NEGR1: variants seen among roughly 807,000 people sequenced by gnomAD.
NEGR1 encodes IgLON family member 4.
A neutral mutation model predicts 40.9 loss-of-function variants in NEGR1; 10 were observed. That is an observed-to-expected ratio of 0.24 (90% CI 0.15 to 0.42). NEGR1 has a LOEUF of 0.42. NEGR1 is among the 10% of genes least tolerant of loss of function. NEGR1 has a pLI of 1.00. For missense variants in NEGR1, 352 were observed against 438.9 expected (o/e 0.80, Z 1.77); for synonymous variants, 185 against 166.8 (o/e 1.11, Z -0.84).
At chr1:72,270,218 A>C (rs776150170) in intron 1 of NEGR1, among the ~76,000 whole-genome samples, 75 of 151,978 alleles carry the variant, frequency 4.9e-4, no homozygotes, top group Non-Finnish European at 8.5e-4. Context: ...TGTATGTCAT[A>C]TATGGTAGAT....
chr1:72,070,718 C>T (rs1450668723), intron 1 of NEGR1, among the ~76,000 whole-genome samples: 1 of 151,900 alleles, frequency 6.6e-6, no homozygotes, highest in Admixed American at 6.6e-5. Flanking sequence ...AAATATATAA[C>T]ATGTCATATA....
At chr1:71,566,353 C>T (rs561868923) in intron 6 of NEGR1, among the ~76,000 whole-genome samples, 10 of 152,030 alleles carry the variant, frequency 6.6e-5, no homozygotes, top group African/African-American at 2.2e-4. Context: ...TTCCGTATTT[C>T]GTATATAAGT....
At chr1:72,122,357 A>G (rs890158305) in intron 1 of NEGR1, among the ~76,000 whole-genome samples, 1 of 151,968 alleles carries the variant, frequency 6.6e-6, no homozygotes, top group African/African-American at 2.4e-5. Flanking sequence ...CCCTATTTGT[A>G]AAGAAATGGC....
At chr1:72,014,315 G>A (rs1646689028) in intron 1 of NEGR1, among the ~76,000 whole-genome samples, 2 of 151,338 alleles carry the variant, frequency 1.3e-5, no homozygotes, top group South Asian at 4.2e-4. Flanking sequence ...GCTTACATAA[G>A]GAACTGCCTG....
intron 6 of NEGR1, among the ~76,000 whole-genome samples, chr1:71,482,744 G>A (rs1569928862): frequency 6.6e-6 from 1 of 151,918 alleles, no homozygotes; most frequent in East Asian, 1.9e-4. Context: ...AGTCACATAT[G>A]TACTTCCCTT....
chr1:71,944,064 A>G (rs540830700), intron 1 of NEGR1, among the ~76,000 whole-genome samples: 23 of 152,344 alleles, frequency 1.5e-4, no homozygotes, highest in Non-Finnish European at 3.2e-4. Context: ...TTTGAATTCA[A>G]CTAAATCAGC....
At chr1:71,550,455 T>C (rs1261232393) in intron 6 of NEGR1, among the ~76,000 whole-genome samples, 1 of 151,526 alleles carries the variant, frequency 6.6e-6, no homozygotes, top group East Asian at 2.0e-4. Context: ...TTGACTTCTT[T>C]GTTACTTACC....
Position 71,813,794 on chromosome 1 carries a change from AT to A in NEGR1, c.410-37498del, listed in dbSNP as rs570960962. On this transcript the variant is annotated intron_variant, in intron 2 of 6. Transcript: ENST00000357731. ...TTGCACATTAATTTTGTATCCTGAA[AT>A]TTGCTGAATTTGCTTATCAGCTTAA... Among the ~76,000 whole-genome samples, 29 of 152,054 alleles carry A rather than the reference AT, an allele frequency of 1.9e-4. No individual in the cohort carries two copies. In the East Asian group the frequency reaches 5.4e-3, roughly 28 times the overall value.
intron 6 of NEGR1, among the ~76,000 whole-genome samples, chr1:71,544,436 A>C (rs72940303): frequency 0.046 from 7,031 of 151,728 alleles, 552 homozygotes; most frequent in African/African-American, 0.16. Context: ...TACTTTATCT[A>C]ACAGTGTGAC....
At chr1:71,670,546 G>A (rs1652385057) in intron 4 of NEGR1, among the ~76,000 whole-genome samples, 1 of 151,584 alleles carries the variant, frequency 6.6e-6, no homozygotes, top group Admixed American at 6.6e-5. Context: ...ATTTTAATAA[G>A]TTGTAACAGT....
At chr1:71,758,613 T>C (rs1256427339) in intron 3 of NEGR1, among the ~76,000 whole-genome samples, 1 of 152,140 alleles carries the variant, frequency 6.6e-6, no homozygotes, top group African/African-American at 2.4e-5. Flanking sequence ...AAATGAGCTG[T>C]TGCACAATTA....
intron 6 of NEGR1, among the ~76,000 whole-genome samples, chr1:71,539,008 T>C (rs754710189): frequency 6.6e-5 from 10 of 151,712 alleles, no homozygotes; most frequent in Admixed American, 2.6e-4. Context: ...ATGGTTGTTG[T>C]TTAAAGGATG....
At chr1:72,007,586 A>G (rs916835685) in intron 1 of NEGR1, among the ~76,000 whole-genome samples, 1 of 152,166 alleles carries the variant, frequency 6.6e-6, no homozygotes, top group African/African-American at 2.4e-5. Flanking sequence ...ACATGTAAGC[A>G]ATCAAGTACT....
At chr1:71,789,897 T>G (rs1269201468) in intron 2 of NEGR1, among the ~76,000 whole-genome samples, 1 of 152,138 alleles carries the variant, frequency 6.6e-6, no homozygotes, top group African/African-American at 2.4e-5. Context: ...TCTTTTATTC[T>G]GTATTTTTGC....
At chr1:71,611,218 T>G in intron 4 of NEGR1, 72 bp from the exon 5 acceptor site, 1 of 1,369,638 alleles carries the variant, frequency 7.3e-7, no homozygotes, top group Non-Finnish European at 1.0e-6. Flanking sequence ...ATGACACACA[T>G]ATATTTTTAT....
At chr1:71,800,050 T>C (rs1219162076) in intron 2 of NEGR1, among the ~76,000 whole-genome samples, 3 of 152,172 alleles carry the variant, frequency 2.0e-5, no homozygotes, top group African/African-American at 7.2e-5. Context: ...GTAATTGGCA[T>C]GAGATGGTAC....
chr1:72,005,135 T>C lies in NEGR1; in HGVS notation c.177-69824A>G, dbSNP rs190851165. 7.5e-4 allele frequency among the ~76,000 whole-genome samples: 114 copies of C among 152,256 alleles called. No individual in the cohort carries two copies. The East Asian group carries it at 9.3e-3, about 12-fold the overall frequency. ...GCATAGAAACATGCATAAGTGAAGA[T>C]TGAAAGTTGAAAATAACATATTTGG... On this transcript the variant is annotated intron_variant, in intron 1 of 6. Transcript: ENST00000357731.
chr1:71,578,773 A>G (rs1195035862), intron 6 of NEGR1, among the ~76,000 whole-genome samples: 2 of 152,162 alleles, frequency 1.3e-5, no homozygotes, highest in Non-Finnish European at 2.9e-5. Context: ...AAGGTTAAAT[A>G]TTTCATTAAA....
At chr1:71,716,269 G>GGAGATTATTAAAATTCAAGGT (rs1383063907) in intron 3 of NEGR1, among the ~76,000 whole-genome samples, 2 of 152,076 alleles carry the variant, frequency 1.3e-5, no homozygotes, top group East Asian at 3.9e-4. Context: ...CTTGCTACAT[G>GGAGATTATTAAAATTCAAGGT]GAGATTATTA....
Sources: allele counts gnomAD v4.1 joint callset (sites outside exome capture counted in the v4.1 genomes callset), GRCh38; gene constraint gnomAD v4.1.1; transcripts MANE v1.5; gene names NCBI Gene and HGNC (gene_info 2026-07-23, HGNC 2026-07-21).